PTPRZ1: variants seen among roughly 807,000 people sequenced by gnomAD.
PTPRZ1 encodes protein tyrosine phosphatase receptor type Z1, also known as receptor-type tyrosine-protein phosphatase zeta.
In PTPRZ1, 82 loss-of-function variants were observed where a neutral mutation model predicts 214.1. The ratio of observed to expected loss-of-function variants is 0.38; its 90% CI spans 0.32 to 0.46. The LOEUF (loss-of-function observed/expected upper bound fraction) is 0.46, where lower values mean the gene tolerates loss of function less well. Ranked by LOEUF, PTPRZ1 falls within the 20% of genes least tolerant of loss-of-function variation. PTPRZ1 has a pLI of 1.00. For synonymous variants in PTPRZ1, 945 were observed against 987.9 expected (o/e 0.96, Z 0.81); for missense variants, 2,603 against 2,748.7 (o/e 0.95, Z 1.19).
chr7:121,990,430 A>C (rs1312303528), intron 8 of PTPRZ1, among the ~76,000 whole-genome samples: 1 of 151,638 alleles, frequency 6.6e-6, no homozygotes, highest in East Asian at 1.9e-4. Context: ...TCTTTTTGGC[A>C]TCATGGAATG....
chr7:121,907,820 G>A (rs966422406), intron 1 of PTPRZ1, among the ~76,000 whole-genome samples: 2 of 151,866 alleles, frequency 1.3e-5, no homozygotes, highest in South Asian at 2.1e-4. Context: ...TTTTTCAAAT[G>A]TGTAATTTAA....
chr7:122,040,892 C>T lies in PTPRZ1; in HGVS notation c.5714C>T (p.Pro1905Leu). 6.2e-7 allele frequency: 1 copy of T among 1,606,688 alleles called. No individual in the cohort carries two copies. The highest frequency in any genetic ancestry group is 2.2e-5 in the East Asian group (1 of 44,700). The part of the protein sequence containing the change: ...HYTQWPDMGV[P>L]EYSLPVLTFV... ...ACGCAGTGGCCTGACATGGGAGTAC[C>T]AGAGTACTCCCTGCCAGTGCTGACC... The change falls in exon 21 of 30, where the codon CCA becomes CTA. Residue 1905 changes from proline to leucine, a missense_variant. By Grantham distance (98) the Pro-to-Leu change is moderately conservative. Transcript: ENST00000393386.
At chr7:121,999,629 T>C (rs1244257299) in intron 10 of PTPRZ1, among the ~76,000 whole-genome samples, 1 of 152,124 alleles carries the variant, frequency 6.6e-6, no homozygotes, top group Admixed American at 6.6e-5. Flanking sequence ...TTCTCAGGAG[T>C]TTGCAAAAAA....
chr7:121,933,783 C>A (rs1795995510), intron 2 of PTPRZ1, among the ~76,000 whole-genome samples: 1 of 152,058 alleles, frequency 6.6e-6, no homozygotes. Flanking sequence ...AGAAAGTAAG[C>A]CAAATTTTAC....
intron 13 of PTPRZ1, among the ~76,000 whole-genome samples, chr7:122,021,181 G>C (rs577166946): frequency 2.6e-4 from 39 of 152,084 alleles, no homozygotes; most frequent in Middle Eastern, 6.8e-3. Context: ...CTTAATCTGT[G>C]TTACTTTTCA....
intron 1 of PTPRZ1, among the ~76,000 whole-genome samples, chr7:121,917,867 G>A (rs1302583839): frequency 6.6e-6 from 1 of 151,998 alleles, no homozygotes; most frequent in Non-Finnish European, 1.5e-5. Flanking sequence ...GCTCATCCTG[G>A]TTTCTTTTTG....
At chr7:121,908,667 C>T in intron 1 of PTPRZ1, 1 of 456,758 alleles carries the variant, frequency 2.2e-6, no homozygotes, top group Non-Finnish European at 4.2e-6. Flanking sequence ...AAATTAAAAA[C>T]TTGAATAAAT....
rs553913837 is a variant in PTPRZ1 at position 122,004,004 on chromosome 7, GTTC to G, written c.1241-604_1241-602del. On this transcript the variant is annotated intron_variant, in intron 10 of 29. Coordinates refer to ENST00000393386, the MANE Select transcript of PTPRZ1 (RefSeq NM_002851.3). ...AGAATGCACAAGATTCACTCTGTTA[GTTC>G]TTCTTGCTGACAGCAAGGCTGGAAC... Among the ~76,000 whole-genome samples the G allele has an allele frequency of 1.4e-4, 21 of 152,308 alleles. No homozygotes were observed. In the South Asian group the frequency reaches 4.3e-3, roughly 32 times the overall value.
At chr7:122,021,885 A>G (rs1562867505) in intron 13 of PTPRZ1, among the ~76,000 whole-genome samples, 1 of 152,178 alleles carries the variant, frequency 6.6e-6, no homozygotes, top group East Asian at 1.9e-4. Flanking sequence ...TTAATTCACT[A>G]AAAAATATAA....
rs753279854 is a variant in PTPRZ1 at position 121,972,558 on chromosome 7, A to G, written c.322A>G (p.Asn108Asp). The G allele has an allele frequency of 3.7e-6, 6 of 1,607,484 alleles. No homozygotes were observed. Among genetic ancestry groups the G allele is most frequent in the Non-Finnish European group, 4.2e-6 (5 of 1,177,764 alleles). ...TTTTTTAGTGGAAATTAATCTCACTAATGACTACCGTGTCAGCGGAGGAGT... is the reference window on the plus strand; with the variant it reads ...TTTTTTAGTGGAAATTAATCTCACTGATGACTACCGTGTCAGCGGAGGAGT... The part of the protein sequence containing the change: ...TGKTVEINLT[N>D]DYRVSGGVSE... Residue 108 changes from asparagine to aspartate, a missense_variant, in exon 4 of 30, where the codon AAT (asparagine) becomes GAT (aspartate). Asn to Asp is a conservative substitution (Grantham distance 23). This residue lies in a region of PTPRZ1 where 141 missense variants were observed against 143.7 expected (regional missense o/e 0.98). Coordinates refer to ENST00000393386, the MANE Select transcript of PTPRZ1 (RefSeq NM_002851.3).
chr7:121,959,515 C>A (rs971748626), intron 2 of PTPRZ1, among the ~76,000 whole-genome samples: 1 of 152,204 alleles, frequency 6.6e-6, no homozygotes, highest in Non-Finnish European at 1.5e-5. Context: ...GAAGTTGTCA[C>A]AGACATCCCT....
chr7:122,002,083 G>A (rs929441767), intron 10 of PTPRZ1, among the ~76,000 whole-genome samples: 1 of 152,146 alleles, frequency 6.6e-6, no homozygotes, highest in African/African-American at 2.4e-5. Context: ...TTGAGTTCAG[G>A]ATGTTGAATT....
Position 121,976,773 on chromosome 7 carries a change from C to CT in PTPRZ1, c.553-6dup. 1 of 1,575,444 alleles carries CT rather than the reference C, an allele frequency of 6.3e-7. No homozygotes were observed. The highest frequency in any genetic ancestry group is 1.8e-5 in the Admixed American group (1 of 55,578). ...TTTATTCTTTTTTTAGAATGTGATT[C>CT]TTTTTTAACAGGTTGGGACAGAAGA... On this transcript the variant is annotated splice_polypyrimidine_tract_variant and intron_variant, in intron 5 of 29. Transcript: ENST00000393386.
chr7:121,952,206 C>T (rs1382271813), intron 2 of PTPRZ1, among the ~76,000 whole-genome samples: 3 of 152,118 alleles, frequency 2.0e-5, no homozygotes, highest in African/African-American at 7.2e-5. Context: ...GATTGGCCGG[C>T]CTCGGCCTCC....
At chr7:121,907,734 A>G (rs1364456838) in intron 1 of PTPRZ1, among the ~76,000 whole-genome samples, 2 of 149,724 alleles carry the variant, frequency 1.3e-5, no homozygotes, top group East Asian at 2.0e-4. Context: ...TAGCTTTTCC[A>G]TGTATAAGTT....
chr7:121,914,900 T>C (rs1474905107), intron 1 of PTPRZ1, among the ~76,000 whole-genome samples: 1 of 152,154 alleles, frequency 6.6e-6, no homozygotes, highest in Non-Finnish European at 1.5e-5. Context: ...TGTGAAAAGT[T>C]TCCAAGGTTT....
At chr7:121,989,643 G>T (rs1308156985) in intron 8 of PTPRZ1, among the ~76,000 whole-genome samples, 1 of 152,036 alleles carries the variant, frequency 6.6e-6, no homozygotes, top group Non-Finnish European at 1.5e-5. Context: ...CAAAGTGCTG[G>T]GACTACAGGC....
At chr7:121,912,238 T>C (rs1052961713) in intron 1 of PTPRZ1, among the ~76,000 whole-genome samples, 27 of 152,218 alleles carry the variant, frequency 1.8e-4, no homozygotes, top group African/African-American at 5.1e-4. Context: ...AGCTTACATT[T>C]CATTATCAAT....
In PTPRZ1 at chr7:122,019,284, G is replaced by C. The variant is rs753110613; in HGVS notation, c.4988+16G>C. 85 of 1,600,524 alleles carry C rather than the reference G, an allele frequency of 5.3e-5. No individual in the cohort carries two copies. The South Asian group carries it at 8.7e-4, about 16-fold the overall frequency. ...TCTACTGGAGGTAAGTTGAGTATTT[G>C]TTTTGGAAAATTTAATTCATAAAAC... is the stretch of plus-strand genomic sequence containing the variant. On this transcript the variant is annotated intron_variant, in intron 13 of 29. Transcript: ENST00000393386.
Sources: gnomAD v4.1 joint callset for allele counts (sites outside exome capture counted in the v4.1 genomes callset) on GRCh38, gnomAD v4.1.1 for gene constraint, gnomAD v4.1.1 regional missense constraint, MANE v1.5 for transcripts, NCBI Gene and HGNC (gene_info 2026-07-23, HGNC 2026-07-21) for gene names.